The following SLURP2 variants were observed in gnomAD, a reference collection of about 807,000 sequenced individuals.
SLURP2 encodes secreted LY6/PLAUR domain containing 2.
SLURP2 carries 4 observed loss-of-function variants against 9.8 expected under a neutral mutation model. The observed-to-expected ratio is 0.41, with a 90% CI of 0.20 to 0.94. The LOEUF is 0.94. Among genes scored for constraint, SLURP2 ranks in the 40% least tolerant of loss-of-function variants. The probability of loss-of-function intolerance (pLI) is 0.32; values close to 1 mark genes in which losing one functional copy is unlikely to be tolerated. For synonymous variants in SLURP2, 58 were observed against 56.2 expected, an observed-to-expected ratio of 1.03 and a Z score of -0.15; for missense variants, 118 against 126.4, an observed-to-expected ratio of 0.93 and a Z score of 0.32.
chr8:142,764,891 AC>A, intron 2 of SLURP2, 144 bp downstream of exon 2: 6 of 1,165,392 alleles, frequency 5.1e-6, no homozygotes, highest in Non-Finnish European at 7.5e-6. Flanking sequence ...CTTTGCTCAT[AC>A]CCTTCCCTGG....
At chr8:142,765,931 C>T (rs1241842915) in intron 1 of SLURP2, among the ~76,000 whole-genome samples, 3 of 149,828 alleles carry the variant, frequency 2.0e-5, no homozygotes, top group Admixed American at 2.0e-4. Context: ...CCACTGCACT[C>T]GAGCCTGGGC....
intron 1 of SLURP2, chr8:142,766,468 T>G (rs956280270): frequency 6.6e-5 from 10 of 152,240 alleles, no homozygotes; most frequent in African/African-American, 2.4e-4. Context: ...CCCGCTACAG[T>G]GGCGGCACCC....
At position 142,769,823 on chromosome 8, in the gene SLURP2, C is replaced by T. The variant is rs587708402; in HGVS notation, c.-17G>A. 54 of 1,582,042 alleles carry T rather than the reference C, an allele frequency of 3.4e-5. No individual in the cohort carries two copies. The Admixed American group carries it at 7.9e-4, about 23-fold the overall frequency. On this transcript the variant is annotated 5_prime_UTR_variant, in exon 1 of 3. Transcript: ENST00000317543. Reference sequence around the variant, plus strand: ...GAGCTGCATGTTCTCCTGGTGAGGTCGGGCTGTCGGCGCCCTGGCCGGCTG... The same window carrying T: ...GAGCTGCATGTTCTCCTGGTGAGGTTGGGCTGTCGGCGCCCTGGCCGGCTG...
chr8:142,764,844 C>G, intron 2 of SLURP2, 103 bp from the exon 3 acceptor site: 4 of 1,437,982 alleles, frequency 2.8e-6, no homozygotes, highest in Non-Finnish European at 9.7e-7. Context: ...GCCCCAGGTA[C>G]ATGAAGCATA....
Position 142,764,533 on chromosome 8 carries a change from G to A in SLURP2, c.*72C>T, listed in dbSNP as rs1814931003. 3 of 1,512,540 alleles carry A rather than the reference G, an allele frequency of 2.0e-6. No homozygotes were observed. Among genetic ancestry groups the A allele is most frequent in the Non-Finnish European group, 1.8e-6 (2 of 1,108,552 alleles). 93.7% of individuals were successfully genotyped at this position (1,512,540 alleles called of 1,614,324 possible). On this transcript the variant is annotated 3_prime_UTR_variant, in exon 3 of 3. Transcript: ENST00000317543. The stretch of plus-strand genomic sequence containing the variant: ...GCTGGCCAGTCTCGAGGGAGGGGCA[G>A]CTGTGAGCCCTGGCGCCAGGCTGTG...
intron 1 of SLURP2, among the ~76,000 whole-genome samples, chr8:142,769,449 T>C (rs1815104392): frequency 7.5e-6 from 1 of 134,032 alleles, no homozygotes; most frequent in Non-Finnish European, 1.6e-5. Context: ...TGCACGAAGG[T>C]GCGTGTGTGA....
chr8:142,769,718 G>T (rs1414731879), intron 1 of SLURP2, 37 bp downstream of exon 1: 2 of 1,578,822 alleles, frequency 1.3e-6, no homozygotes, highest in Admixed American at 1.8e-5. Context: ...AGTGATGGGG[G>T]CCTTGAGCAG....
rs1814944670 is a variant in SLURP2 at position 142,764,740 on chromosome 8, C to G, written c.159G>C (p.Arg53=). 4 of 1,613,090 alleles carry G rather than the reference C, an allele frequency of 2.5e-6. No homozygotes were observed. In the East Asian group the frequency reaches 8.9e-5, roughly 36 times the overall value. The change falls in exon 3 of 3, where the codon CGG becomes CGC. Residue 53 remains arginine (R), a splice_region_variant and synonymous_variant. Transcript: ENST00000317543. ...DSTHCVTTAT[R]VLSNTEDLPL... is the part of the protein sequence containing the mutation. ...GCAAATCCTCGGTGTTGCTGAGGAC[C>G]CCTGAGTGGGCAGGAGAGAAACCAT... is the stretch of plus-strand genomic sequence containing the variant.
At chr8:142,767,769 C>T (rs1438436114) in intron 1 of SLURP2, among the ~76,000 whole-genome samples, 5 of 152,066 alleles carry the variant, frequency 3.3e-5, no homozygotes, top group Non-Finnish European at 7.4e-5. Flanking sequence ...AGTGATTGTG[C>T]TCAGGGCTCC....
At position 142,769,756 on chromosome 8, in the gene SLURP2, C is replaced by A; in HGVS notation, c.51G>T (p.Leu17=). The A allele has an allele frequency of 6.2e-7, 1 of 1,602,686 alleles. No homozygotes were observed. The highest frequency in any genetic ancestry group is 8.5e-7 in the Non-Finnish European group (1 of 1,176,252). Residue 17 remains leucine (L), a splice_region_variant and synonymous_variant, in exon 1 of 3, where the codon CTG becomes CTT. Transcript: ENST00000317543. ...LLLAAVLSLQ[L]AAAEAIWCHQ... ...GGTGGCCCCAGCCCCTGGACTCACC[C>A]AGCTGCAGGCTCAGGACGGCGGCCA...
At position 142,768,436 on chromosome 8, in the gene SLURP2, G is replaced by A. The variant is rs908514264; in HGVS notation, c.52+1319C>T. Among the ~76,000 whole-genome samples the A allele has an allele frequency of 1.3e-5, 2 of 152,118 alleles. No individual in the cohort carries two copies. The highest frequency in any genetic ancestry group is 4.8e-5 in the African/African-American group (2 of 41,426). On this transcript the variant is annotated intron_variant, in intron 1 of 2. Coordinates refer to ENST00000317543, the MANE Select transcript of SLURP2 (RefSeq NM_177458.3). The surrounding 1 kb of genome is among the most constrained non-coding windows in gnomAD (Gnocchi z 4.8). Reference sequence around the variant, plus strand: ...TGACAGGGGATGCAGGTGCCCCTGAGAGAGGCTCGCCAGTCCTCCAACCGG... The same window carrying A: ...TGACAGGGGATGCAGGTGCCCCTGAAAGAGGCTCGCCAGTCCTCCAACCGG...
intron 1 of SLURP2, among the ~76,000 whole-genome samples, chr8:142,769,136 G>A (rs1815092440): frequency 6.6e-6 from 1 of 151,476 alleles, no homozygotes; most frequent in Admixed American, 6.6e-5. Flanking sequence ...TCCCCTTGGA[G>A]CCCTCAGGAA....
chr8:142,769,644 A>G, intron 1 of SLURP2, 111 bp downstream of exon 1: 2 of 917,444 alleles, frequency 2.2e-6, no homozygotes, highest in Non-Finnish European at 3.4e-6. Context: ...GTGGGGGGAC[A>G]GGAATGGGTT....
Position 142,764,573 on chromosome 8 carries a change from T to G in SLURP2, c.*32A>C. 6.3e-7 allele frequency: 1 copy of G among 1,593,736 alleles called. No homozygotes were observed. The highest frequency in any genetic ancestry group is 8.5e-7 in the Non-Finnish European group (1 of 1,172,646). ...GCCAGGCTGTGGGGGCTGTGGGGGCTGAGCGTCCGGGGGCCTGGAGGAGGG... is the reference window on the plus strand; with the variant it reads ...GCCAGGCTGTGGGGGCTGTGGGGGCGGAGCGTCCGGGGGCCTGGAGGAGGG... On this transcript the variant is annotated 3_prime_UTR_variant, in exon 3 of 3. Coordinates refer to ENST00000317543, the MANE Select transcript of SLURP2 (RefSeq NM_177458.3).
rs367968567 is a variant in SLURP2, at chr8:142,765,024, G to A, written c.157+12C>T. On this transcript the variant is annotated intron_variant, in intron 2 of 2. Transcript: ENST00000317543. ...AGAAGGACGTGGCCAGCCCACCACT[G>A]TTCCCACTTACGGGTGGCAGTGGTG... 341 of 1,600,932 alleles carry A rather than the reference G, an allele frequency of 2.1e-4. 1 individual carries two copies. The highest frequency in any genetic ancestry group is 1.8e-4 in the Non-Finnish European group (207 of 1,171,986).
intron 1 of SLURP2, among the ~76,000 whole-genome samples, chr8:142,765,711 A>G (rs1187099601): frequency 6.6e-6 from 1 of 152,246 alleles, no homozygotes; most frequent in Non-Finnish European, 1.5e-5. Context: ...CTGTAATCCC[A>G]GCACTTTGGG....
intron 1 of SLURP2, among the ~76,000 whole-genome samples, chr8:142,769,148 GC>G (rs1815092747): frequency 6.6e-6 from 1 of 151,348 alleles, no homozygotes; most frequent in Admixed American, 6.6e-5. Flanking sequence ...CCTCAGGAAG[GC>G]CCTGGGCCAA....
intron 1 of SLURP2, among the ~76,000 whole-genome samples, chr8:142,767,887 AGAATGAATGAATAAATGAAT>A (rs1815051523): frequency 1.4e-5 from 2 of 138,472 alleles, no homozygotes; most frequent in African/African-American, 5.1e-5. Context: ...AGAGGCTTGC[AGAATGAATGAATAAATGAAT>A]GAATGAATGA....
At chr8:142,764,769 G>A (rs1814946854) in intron 2 of SLURP2, 28 bp from the exon 3 acceptor site, 2 of 1,609,394 alleles carry the variant, frequency 1.2e-6, no homozygotes, top group Non-Finnish European at 1.7e-6. Context: ...AAACCATGGA[G>A]CTCCCTGAGG....
Sources: allele counts gnomAD v4.1 joint callset (sites outside exome capture counted in the v4.1 genomes callset), GRCh38; gene constraint gnomAD v4.1.1; non-coding constraint Gnocchi (gnomAD v3.1); transcripts MANE v1.5; gene names NCBI Gene and HGNC (gene_info 2026-07-23, HGNC 2026-07-21).